The following MPDZ variants were observed in gnomAD, a reference collection of about 807,000 sequenced individuals.
MPDZ encodes multiple PDZ domain protein.
MPDZ carries 234 observed loss-of-function variants against 239.1 expected under a neutral mutation model. The ratio of observed to expected loss-of-function variants is 0.98; its 90% CI spans 0.88 to 1.09. The LOEUF is 1.09. Among genes scored for constraint, MPDZ ranks in the 50% least tolerant of loss-of-function variants. The pLI is 0.00. For missense variants in MPDZ, 3,175 were observed against 2,510.0 expected, an observed-to-expected ratio of 1.26 and a Z score of -5.66; for synonymous variants, 1,048 against 881.3, an observed-to-expected ratio of 1.19 and a Z score of -3.35.
intron 21 of MPDZ, 62 bp from the exon 22 acceptor site, chr9:13,168,626 G>C (rs1009764171): frequency 8.4e-7 from 1 of 1,187,568 alleles, no homozygotes. Context: ...ATTTTAATTT[G>C]AATTTAATAA....
At chr9:13,250,225 C>G in intron 2 of MPDZ, 75 bp downstream of exon 2, 1 of 1,402,998 alleles carries the variant, frequency 7.1e-7, no homozygotes, top group Non-Finnish European at 9.9e-7. Context: ...CTATGTTAAA[C>G]ACAACATATG....
intron 26 of MPDZ, among the ~76,000 whole-genome samples, chr9:13,143,962 AT>A (rs1015947932): frequency 2.6e-5 from 4 of 151,940 alleles, no homozygotes; most frequent in South Asian, 2.1e-4. Context: ...CTAAAAGCTA[AT>A]TTTTTTTAAA....
intron 10 of MPDZ, among the ~76,000 whole-genome samples, chr9:13,207,335 T>C (rs1332277902): frequency 1.3e-5 from 2 of 152,084 alleles, no homozygotes; most frequent in Non-Finnish European, 2.9e-5. Flanking sequence ...CAACGTGGCT[T>C]AGAATGGCCT....
chr9:13,184,733 A>G (rs1199349074), intron 18 of MPDZ, among the ~76,000 whole-genome samples: 2 of 152,004 alleles, frequency 1.3e-5, no homozygotes, highest in South Asian at 2.1e-4. Context: ...GAATACCTCA[A>G]TATAATTTGT....
At chr9:13,223,355 C>G (rs1279007147) in intron 5 of MPDZ, among the ~76,000 whole-genome samples, 1 of 151,870 alleles carries the variant, frequency 6.6e-6, no homozygotes, top group Non-Finnish European at 1.5e-5. Context: ...CTTTCCTTAC[C>G]AAAACTTAAG....
intron 23 of MPDZ, among the ~76,000 whole-genome samples, chr9:13,158,886 G>A (rs1198220565): frequency 1.3e-5 from 2 of 152,030 alleles, no homozygotes; most frequent in Non-Finnish European, 2.9e-5. Flanking sequence ...AGGCTGAGAG[G>A]ACAATAGAGA....
chr9:13,279,335 C>A (rs1442114544), intron 1 of MPDZ, 65 bp downstream of exon 1: 2 of 138,986 alleles, frequency 1.4e-5, no homozygotes, highest in African/African-American at 2.6e-5. Flanking sequence ...ACCTTCCCCG[C>A]CGGCGCGCGC....
chr9:13,236,277 T>A (rs112253385), intron 3 of MPDZ, among the ~76,000 whole-genome samples: 340 of 17,570 alleles, frequency 0.019, 16 homozygotes, highest in East Asian at 0.1. Context: ...ATTTTTTTTT[T>A]TTTTTTTTTT....
At chr9:13,109,104 A>C in intron 45 of MPDZ, 45 bp from the exon 46 acceptor site, 1 of 1,292,130 alleles carries the variant, frequency 7.7e-7, no homozygotes, top group Non-Finnish European at 1.0e-6. Flanking sequence ...TAAAAAAAAA[A>C]AACTATACAT....
intron 35 of MPDZ, among the ~76,000 whole-genome samples, chr9:13,123,619 A>G (rs532808340): frequency 1.3e-5 from 2 of 152,180 alleles, no homozygotes; most frequent in Non-Finnish European, 2.9e-5. Flanking sequence ...ATTAAATTGA[A>G]CCTCAAGTTT....
chr9:13,187,001 C>T (rs923715488), intron 17 of MPDZ, among the ~76,000 whole-genome samples: 19 of 152,164 alleles, frequency 1.2e-4, no homozygotes, highest in African/African-American at 4.1e-4. Context: ...TTAGAGATAT[C>T]GTATCACAAA....
At position 13,140,154 on chromosome 9, in the gene MPDZ, G is replaced by A. The variant is rs754459745; in HGVS notation, c.3841-5C>T. The A allele has an allele frequency of 1.9e-6, 3 of 1,611,870 alleles. No homozygotes were observed. Among genetic ancestry groups the A allele is most frequent in the Non-Finnish European group, 2.5e-6 (3 of 1,178,896 alleles). ...TGACTCTGACTGACTGGGTGCCTGT[G>A]GGAACAAAAAGAATGCAGTGGGTTT... is the stretch of plus-strand genomic sequence containing the variant. On this transcript the variant is annotated splice_region_variant and splice_polypyrimidine_tract_variant and intron_variant, in intron 27 of 46. Coordinates refer to ENST00000319217, the MANE Select transcript of MPDZ (RefSeq NM_001378778.1).
chr9:13,168,717 T>A (rs1402456994), intron 21 of MPDZ, among the ~76,000 whole-genome samples, 153 bp from the exon 22 acceptor site: 1 of 152,172 alleles, frequency 6.6e-6, no homozygotes, highest in East Asian at 1.9e-4. Context: ...AAAGTGTTTC[T>A]AACAAAAAAT....
At position 13,109,019 on chromosome 9, in the gene MPDZ, C is replaced by A. The variant is rs1013170897; in HGVS notation, c.5983G>T (p.Asp1995Tyr). The change falls in exon 46 of 47, where the codon GAT becomes TAT. Residue 1995 changes from aspartate to tyrosine, a missense_variant. Coordinates refer to ENST00000319217, the MANE Select transcript of MPDZ (RefSeq NM_001378778.1). Reference sequence around the variant, plus strand: ...CCAACTATACTGAAGCCTAAGCCATCTGGTCCTCGCTCTAGTGTAATAGAC... The same window carrying A: ...CCAACTATACTGAAGCCTAAGCCATATGGTCCTCGCTCTAGTGTAATAGAC... ...CKSITLERGP[D>Y]GLGFSIVGGY... 1.2e-5 allele frequency: 19 copies of A among 1,588,738 alleles called. No homozygotes were observed. Among genetic ancestry groups the A allele is most frequent in the Non-Finnish European group, 1.5e-5 (18 of 1,165,950 alleles).
At chr9:13,256,737 T>C (rs141630497) in intron 1 of MPDZ, among the ~76,000 whole-genome samples, 120 of 152,236 alleles carry the variant, frequency 7.9e-4, no homozygotes, top group African/African-American at 2.7e-3. Context: ...TGATCACAGA[T>C]CACTGTAACA....
In MPDZ at chr9:13,192,268, T is replaced by G. The variant is rs756925519; in HGVS notation, c.1831A>C (p.Asn611His). 6.2e-7 allele frequency: 1 copy of G among 1,601,790 alleles called. No homozygotes were observed. Among genetic ancestry groups the G allele is most frequent in the Non-Finnish European group, 8.5e-7 (1 of 1,173,190 alleles). ...AAGATATTCACCACATCTTGGTGAT[T>G]TTCCCCAAGTAAAGTTATGCCATTT... ...EVNGITLLGE[N>H]HQDVVNILKE... The change falls in exon 15 of 47, where the codon AAT (asparagine) becomes CAT (histidine). Residue 611 changes from asparagine to histidine, a missense_variant. By Grantham distance (68) the Asn-to-His change is moderately conservative (BLOSUM62 1). Transcript: ENST00000319217.
chr9:13,175,603 T>A, intron 21 of MPDZ, 149 bp downstream of exon 21: 3 of 782,996 alleles, frequency 3.8e-6, no homozygotes, highest in Non-Finnish European at 6.0e-6. Context: ...TTCAAAAAAA[T>A]AATGAGGACA....
At chr9:13,269,381 G>C (rs1972479527) in intron 1 of MPDZ, among the ~76,000 whole-genome samples, 1 of 152,152 alleles carries the variant, frequency 6.6e-6, no homozygotes, top group Admixed American at 6.5e-5. Context: ...TTGTGTTGCT[G>C]TTGTTTCCTT....
At chr9:13,175,988 C>A (rs1331674) in intron 20 of MPDZ, 113 bp from the exon 21 acceptor site, 2 of 1,434,292 alleles carry the variant, frequency 1.4e-6, no homozygotes, top group South Asian at 1.4e-5. Context: ...TTTGCAAGAA[C>A]CTGCAACCAA....
Sources: allele counts gnomAD v4.1 joint callset (sites outside exome capture counted in the v4.1 genomes callset), GRCh38; gene constraint gnomAD v4.1.1; transcripts MANE v1.5; gene names NCBI Gene and HGNC (gene_info 2026-07-23, HGNC 2026-07-21).